The following SHC2 variants were observed in gnomAD, a reference collection of about 807,000 sequenced individuals.
SHC2 encodes SHC adaptor protein 2, also known as SHC-transforming protein 2.
In SHC2, 62 loss-of-function variants were observed where a neutral mutation model predicts 60.6. The ratio of observed to expected loss-of-function variants is 1.02; its 90% CI spans 0.83 to 1.26. The LOEUF is 1.26. Among genes scored for constraint, SHC2 ranks in the 50% most tolerant of loss-of-function variants. The probability of loss-of-function intolerance (pLI) is 0.00; values close to 1 mark genes in which losing one functional copy is unlikely to be tolerated. For missense variants in SHC2, 873 were observed against 822.2 expected (o/e 1.06, Z -0.76); for synonymous variants, 375 against 372.4 (o/e 1.01, Z -0.08).
intron 1 of SHC2, among the ~76,000 whole-genome samples, chr19:443,604 G>C (rs1457367288): frequency 6.9e-6 from 1 of 145,030 alleles, no homozygotes; most frequent in Non-Finnish European, 1.5e-5. Context: ...ATGGATGGAC[G>C]GGTGAGTGGA....
At position 424,937 on chromosome 19, in the gene SHC2, C is replaced by T. The variant is rs997648026; in HGVS notation, c.1309+160G>A. Among the ~76,000 whole-genome samples the T allele has an allele frequency of 1.3e-5, 2 of 152,168 alleles. No individual in the cohort carries two copies. The highest frequency in any genetic ancestry group is 2.9e-5 in the Non-Finnish European group (2 of 68,006). ...GGCCTCCGACAGGAGACAGACTGGGCTTCCCCGTCCCACCCGTCGACTTGA... is the reference window on the plus strand; with the variant it reads ...GGCCTCCGACAGGAGACAGACTGGGTTTCCCCGTCCCACCCGTCGACTTGA... On this transcript the variant is annotated intron_variant, in intron 10 of 12. Transcript: ENST00000264554. The surrounding 1 kb of genome is among the most constrained non-coding windows in gnomAD (Gnocchi z 4.5).
At chr19:436,757 AC>A in intron 4 of SHC2, 74 bp from the exon 5 acceptor site, 1 of 1,403,790 alleles carries the variant, frequency 7.1e-7, no homozygotes, top group Non-Finnish European at 9.8e-7. Flanking sequence ...ATGGACCAGG[AC>A]CACAGCGAAG....
intron 8 of SHC2, among the ~76,000 whole-genome samples, chr19:431,541 G>A (rs1270267046): frequency 9.9e-5 from 3 of 30,206 alleles, no homozygotes; most frequent in African/African-American, 3.5e-4. Context: ...AGAGGAGGCC[G>A]GGCAGATGGC....
At chr19:459,509 G>A (rs1975486759) in intron 1 of SHC2, among the ~76,000 whole-genome samples, 1 of 145,474 alleles carries the variant, frequency 6.9e-6, no homozygotes, top group South Asian at 2.2e-4. Context: ...CCAGCGTAGG[G>A]GGAAGGACCC....
intron 1 of SHC2, among the ~76,000 whole-genome samples, chr19:460,098 C>G (rs1369567575): frequency 6.6e-6 from 1 of 152,246 alleles, no homozygotes; most frequent in African/African-American, 2.4e-5. Flanking sequence ...ATCCTGGGGT[C>G]TGTCCGGGCG....
chr19:458,823 G>T (rs1407039644), intron 1 of SHC2, among the ~76,000 whole-genome samples: 2 of 150,928 alleles, frequency 1.3e-5, no homozygotes, highest in African/African-American at 4.9e-5. Flanking sequence ...CGGGTCTTGG[G>T]GAGGCGGAAG....
intron 9 of SHC2, among the ~76,000 whole-genome samples, chr19:429,262 G>A (rs1300045591): frequency 1.8e-3 from 157 of 87,924 alleles, no homozygotes; most frequent in Middle Eastern, 0.026. Context: ...CAACATGCAC[G>A]GAAACCTCAT....
chr19:430,790 C>A, intron 8 of SHC2, 43 bp from the exon 9 acceptor site: 1 of 1,589,910 alleles, frequency 6.3e-7, no homozygotes. Context: ...TGTGCAAGCC[C>A]CTCTTCCTGG....
chr19:437,769 C>T (rs977876823), intron 4 of SHC2, among the ~76,000 whole-genome samples: 1 of 152,054 alleles, frequency 6.6e-6, no homozygotes, highest in Admixed American at 6.6e-5. Context: ...TGCTGTCTCA[C>T]CCCAAACTCC....
chr19:456,849 AT>A (rs1255811574), intron 1 of SHC2, among the ~76,000 whole-genome samples: 1,130 of 90,984 alleles, frequency 0.012, 8 homozygotes, highest in African/African-American at 0.043. Context: ...TCTGTCTGCA[AT>A]CCCCACCACG....
intron 8 of SHC2, among the ~76,000 whole-genome samples, chr19:431,006 C>T (rs1974573264): frequency 2.6e-5 from 4 of 152,204 alleles, no homozygotes; most frequent in Admixed American, 2.6e-4. Flanking sequence ...GGCTGTTCCC[C>T]CTGCCTGGAT....
Position 425,340 on chromosome 19 carries a change from T to G in SHC2, c.1175-109A>C. On this transcript the variant is annotated intron_variant, in intron 9 of 12. Coordinates refer to ENST00000264554, the MANE Select transcript of SHC2 (RefSeq NM_012435.3). The surrounding 1 kb of genome is among the most constrained non-coding windows in gnomAD (Gnocchi z 4.1). ...CTCCCCCGGCCACCACCTGTGCTGC[T>G]GGCTGCAGGGCGGATGCTGCTCTGG... is the stretch of plus-strand genomic sequence containing the variant. 1 of 953,492 alleles carries G rather than the reference T, an allele frequency of 1.0e-6. No individual in the cohort carries two copies. Among genetic ancestry groups the G allele is most frequent in the Non-Finnish European group, 1.4e-6 (1 of 729,318 alleles). 59.1% of individuals were successfully genotyped at this position (953,492 alleles called of 1,614,324 possible).
rs549992991 is a variant in SHC2, at chr19:451,955, G to A, written c.468+8574C>T. On this transcript the variant is annotated intron_variant, in intron 1 of 12. Transcript: ENST00000264554. Reference sequence around the variant, plus strand: ...TGTTCACTATTTTAGAAGCCAAATCGTCCGTGTGACTCCAGCCGTGGTGTC... The same window carrying A: ...TGTTCACTATTTTAGAAGCCAAATCATCCGTGTGACTCCAGCCGTGGTGTC... Among the ~76,000 whole-genome samples, 12 of 152,308 alleles carry A rather than the reference G, an allele frequency of 7.9e-5. No individual in the cohort carries two copies. In the South Asian group the frequency reaches 1.9e-3, roughly 24 times the overall value.
intron 8 of SHC2, 82 bp downstream of exon 8, chr19:434,627 C>G: frequency 3.0e-6 from 4 of 1,353,726 alleles, no homozygotes; most frequent in Non-Finnish European, 3.0e-6. Flanking sequence ...AGAACAGGAG[C>G]AGAAAGAAGA....
chr19:441,911 C>A lies in SHC2; in HGVS notation c.469-979G>T, dbSNP rs1186660928. On this transcript the variant is annotated intron_variant, in intron 1 of 12. Transcript: ENST00000264554. This position sits in a 1 kb window ranked among gnomAD's most constrained non-coding sequence, Gnocchi z 4.9. ...GGACTTTACCCCACAGATACATCAG[C>A]CTGAGGGCTTCTGAGGTGTGTACAG... 6.6e-6 allele frequency among the ~76,000 whole-genome samples: 1 copy of A among 152,266 alleles called. No homozygotes were observed. The highest frequency in any genetic ancestry group is 2.4e-5 in the African/African-American group (1 of 41,476).
intron 9 of SHC2, among the ~76,000 whole-genome samples, chr19:429,152 T>C (rs1477860259): frequency 4.7e-3 from 522 of 111,462 alleles, no homozygotes; most frequent in Admixed American, 0.014. Flanking sequence ...AGTACCTATA[T>C]CCAACATGCA....
chr19:458,067 C>A (rs369173275), intron 1 of SHC2, among the ~76,000 whole-genome samples: 11 of 131,674 alleles, frequency 8.4e-5, no homozygotes, highest in Admixed American at 5.3e-4. Context: ...CTTGGGGAGG[C>A]GGAAGCGGGT....
chr19:460,399 CG>C, intron 1 of SHC2, 129 bp downstream of exon 1: 1 of 353,460 alleles, frequency 2.8e-6, no homozygotes, highest in Non-Finnish European at 4.7e-6. Context: ...GATGGGGGTC[CG>C]GGGTGGCGGG....
intron 9 of SHC2, among the ~76,000 whole-genome samples, 176 bp downstream of exon 9, chr19:430,508 C>T (rs997571577): frequency 1.3e-5 from 2 of 152,136 alleles, no homozygotes; most frequent in African/African-American, 2.4e-5. Context: ...CTAGTGTGTG[C>T]AGGAAAAACA....
Sources: gnomAD v4.1 joint callset for allele counts (sites outside exome capture counted in the v4.1 genomes callset) on GRCh38, gnomAD v4.1.1 for gene constraint, Gnocchi (gnomAD v3.1) non-coding constraint, MANE v1.5 for transcripts, NCBI Gene and HGNC (gene_info 2026-07-23, HGNC 2026-07-21) for gene names.